CDC20B: variants seen among roughly 807,000 people sequenced by gnomAD.
CDC20B encodes the protein cell division cycle 20B.
In CDC20B, 58 loss-of-function variants were observed where a neutral mutation model predicts 64.1. The observed-to-expected ratio is 0.90, with a 90% CI of 0.73 to 1.13. The LOEUF (loss-of-function observed/expected upper bound fraction) is 1.13, where lower values mean the gene tolerates loss of function less well. CDC20B is among the 50% of genes most tolerant of loss of function. The pLI, the probability that CDC20B is intolerant of heterozygous loss-of-function variation, is 0.00. For missense variants in CDC20B, 597 were observed against 633.0 expected (o/e 0.94, Z 0.61); for synonymous variants, 243 against 230.6 (o/e 1.05, Z -0.49).
Position 55,133,458 on chromosome 5 carries a change from G to A in CDC20B, c.651C>T (p.Leu217=). ...TAATATGAATCTTCACCTCTGGTTG[G>A]AGTATGGAATCGTTTATATCACCAG... ...KSSGDINDSI[L]QPEVKIHITG... Residue 217 remains leucine (L), a synonymous_variant, in exon 6 of 12, where the codon CTC becomes CTT. Transcript: ENST00000381375. 6.3e-7 allele frequency: 1 copy of A among 1,581,932 alleles called. No individual in the cohort carries two copies. Among genetic ancestry groups the A allele is most frequent in the Non-Finnish European group, 8.6e-7 (1 of 1,157,948 alleles).
At chr5:55,140,237 A>G in intron 5 of CDC20B, 77 bp downstream of exon 5, 1 of 754,620 alleles carries the variant, frequency 1.3e-6, no homozygotes, top group Non-Finnish European at 2.1e-6. Flanking sequence ...AAAATAATAT[A>G]TTTTAAGATT....
chr5:55,121,708 C>T (rs190324265), intron 9 of CDC20B, among the ~76,000 whole-genome samples: 126 of 152,170 alleles, frequency 8.3e-4, no homozygotes, highest in African/African-American at 3.0e-3. Flanking sequence ...CTAATTTCAC[C>T]CTGGCTAAAG....
chr5:55,154,510 G>A (rs556517203), intron 2 of CDC20B, among the ~76,000 whole-genome samples: 7 of 152,094 alleles, frequency 4.6e-5, no homozygotes, highest in African/African-American at 9.6e-5. Context: ...GAGTGAGACC[G>A]TGTCTCCCAA....
At chr5:55,171,177 G>C (rs892032810) in intron 2 of CDC20B, among the ~76,000 whole-genome samples, 2 of 152,142 alleles carry the variant, frequency 1.3e-5, no homozygotes, top group African/African-American at 2.4e-5. Context: ...AGCCCAGCGT[G>C]GTGGTGCTGC....
At chr5:55,145,297 C>T (rs1743439835) in intron 3 of CDC20B, among the ~76,000 whole-genome samples, 1 of 152,188 alleles carries the variant, frequency 6.6e-6, no homozygotes, top group Non-Finnish European at 1.5e-5. Flanking sequence ...ATGGGAATTT[C>T]ATTGATTTGA....
intron 2 of CDC20B, among the ~76,000 whole-genome samples, chr5:55,159,946 C>T (rs1029606545): frequency 3.9e-5 from 6 of 152,204 alleles, no homozygotes; most frequent in Admixed American, 1.3e-4. Context: ...CAAAGACCTA[C>T]CAAAAATGTC....
In CDC20B at chr5:55,150,377, G is replaced by A. The variant is rs554273793; in HGVS notation, c.127-3521C>T. On this transcript the variant is annotated intron_variant, in intron 2 of 11. Transcript: ENST00000381375. ...TAGAATGTTGAAGCAGTAAGCATTG[G>A]TTCAGTTTGGGTTTTTTACTAAGCG... 1.8e-4 allele frequency among the ~76,000 whole-genome samples: 27 copies of A among 152,308 alleles called. 1 individual carries two copies. Among genetic ancestry groups the A allele is most frequent in the Admixed American group, 1.4e-3 (21 of 15,298 alleles).
chr5:55,151,213 T>A (rs1361884424), intron 2 of CDC20B, among the ~76,000 whole-genome samples: 1 of 152,232 alleles, frequency 6.6e-6, no homozygotes, highest in Non-Finnish European at 1.5e-5. Context: ...ATCGTCTCAT[T>A]TCATAAAAGA....
chr5:55,145,249 G>A (rs1001667802), intron 3 of CDC20B, among the ~76,000 whole-genome samples: 19 of 151,884 alleles, frequency 1.3e-4, no homozygotes, highest in African/African-American at 3.6e-4. Flanking sequence ...TTCCCTCCTC[G>A]GTTATTAAAT....
chr5:55,133,036 G>A (rs567692005), intron 6 of CDC20B, among the ~76,000 whole-genome samples: 6 of 152,104 alleles, frequency 3.9e-5, no homozygotes, highest in African/African-American at 1.4e-4. Flanking sequence ...TATCAGTTCC[G>A]TGTCAGTTAG....
intron 2 of CDC20B, among the ~76,000 whole-genome samples, chr5:55,154,203 G>T (rs778548875): frequency 6.6e-6 from 1 of 152,146 alleles, no homozygotes; most frequent in Non-Finnish European, 1.5e-5. Flanking sequence ...GAAACCTGGG[G>T]TGCTTAGTCT....
At chr5:55,127,507 T>G (rs1418827942) in intron 7 of CDC20B, among the ~76,000 whole-genome samples, 156 bp from the exon 8 acceptor site, 1 of 152,230 alleles carries the variant, frequency 6.6e-6, no homozygotes, top group Non-Finnish European at 1.5e-5. Context: ...TCTGACTGTG[T>G]ATTAGGATCA....
intron 2 of CDC20B, chr5:55,164,242 A>G: frequency 6.7e-7 from 1 of 1,489,556 alleles, no homozygotes. Context: ...TTTCTAATAG[A>G]ACAGAGAAAT....
In CDC20B at chr5:55,143,625, A is replaced by T; in HGVS notation, c.374T>A (p.Leu125Gln). The change falls in exon 4 of 12, where the codon CTG (leucine) becomes CAG (glutamine). Residue 125 changes from leucine to glutamine, a missense_variant. Around this residue, in one of 3 missense-constraint regions of CDC20B, gnomAD observed 241 missense variants for 219.2 expected, o/e 1.10. Coordinates refer to ENST00000381375, the MANE Select transcript of CDC20B (RefSeq NM_001170402.1). ...AGAAATTCCTTTGCTGGGGGTCTTC[A>T]GTTGTTCTTTGCGGGATCCTACAAG... ...TLTLGSRKEQ[L>Q]KTPSKGISET... The T allele has an allele frequency of 6.3e-7, 1 of 1,598,892 alleles. No homozygotes were observed. The highest frequency in any genetic ancestry group is 8.5e-7 in the Non-Finnish European group (1 of 1,174,382).
At chr5:55,139,951 C>T (rs1743285858) in intron 5 of CDC20B, among the ~76,000 whole-genome samples, 1 of 152,044 alleles carries the variant, frequency 6.6e-6, no homozygotes, top group Non-Finnish European at 1.5e-5. Context: ...CCTTTGAACC[C>T]GGGAGGCAAA....
intron 11 of CDC20B, among the ~76,000 whole-genome samples, chr5:55,115,187 G>T (rs923809206): frequency 2.0e-5 from 3 of 152,152 alleles, no homozygotes; most frequent in African/African-American, 7.2e-5. Context: ...GGAAGTTCTG[G>T]AGATAATACT....
chr5:55,163,708 G>A (rs544628719), intron 2 of CDC20B, among the ~76,000 whole-genome samples: 56 of 150,972 alleles, frequency 3.7e-4, no homozygotes, highest in African/African-American at 1.3e-3. Context: ...GGGTTTCACC[G>A]TGTTGGGCAG....
At chr5:55,161,374 T>A (rs1236452462) in intron 2 of CDC20B, 31 of 971,896 alleles carry the variant, frequency 3.2e-5, no homozygotes, top group Non-Finnish European at 4.6e-5. Flanking sequence ...CATAAAACTA[T>A]CATCAAAGAG....
rs139297833 is a variant in CDC20B at position 55,123,884 on chromosome 5, G to A, written c.1215+919C>T. On this transcript the variant is annotated intron_variant, in intron 9 of 11. Transcript: ENST00000381375. ...AAAAACTACAAGCCAGGAATATTGG[G>A]CCAGTACAATGTAGTGGCAGCAGTC... Among the ~76,000 whole-genome samples, 335 of 152,210 alleles carry A rather than the reference G, an allele frequency of 2.2e-3. 1 individual carries two copies. Among genetic ancestry groups the A allele is most frequent in the African/African-American group, 7.3e-3 (304 of 41,524 alleles).
Sources: gnomAD v4.1 joint callset for allele counts (sites outside exome capture counted in the v4.1 genomes callset) on GRCh38, gnomAD v4.1.1 for gene constraint, gnomAD v4.1.1 regional missense constraint, MANE v1.5 for transcripts, NCBI Gene and HGNC (gene_info 2026-07-23, HGNC 2026-07-21) for gene names.